Variants in SYNE1 observed in about 807,000 individuals in gnomAD.
The protein encoded by SYNE1 is spectrin repeat containing nuclear envelope protein 1.
Under a neutral mutation model 1,111.0 loss-of-function variants are expected in SYNE1, and 616 were observed. That is an observed-to-expected ratio of 0.55 (90% confidence interval 0.52 to 0.59). The LOEUF (loss-of-function observed/expected upper bound fraction) is 0.59. Among genes scored for constraint, SYNE1 ranks in the 20% least tolerant of loss-of-function variants. SYNE1 has a pLI of 0.00. For synonymous variants in SYNE1, 3,855 were observed against 3,825.8 expected, an observed-to-expected ratio of 1.01 and a Z score of -0.28; for missense variants, 10,006 against 10,417.0, an observed-to-expected ratio of 0.96 and a Z score of 1.72.
At chr6:152,200,643 G>T (rs1008971805) in intron 127 of SYNE1, among the ~76,000 whole-genome samples, 3 of 152,100 alleles carry the variant, frequency 2.0e-5, no homozygotes, top group East Asian at 1.9e-4. Flanking sequence ...TGATCTGTTT[G>T]CCTTGGCCTC....
In SYNE1 at chr6:152,294,121, C is replaced by A. The variant is rs749866224; in HGVS notation, c.17689G>T (p.Ala5897Ser). Residue 5897 changes from alanine to serine, a missense_variant, in exon 94 of 146, where the codon GCA becomes TCA. Physicochemically the swap from Ala to Ser is moderately conservative, Grantham distance 99 (BLOSUM62 1). Coordinates refer to ENST00000367255, the MANE Select transcript of SYNE1 (RefSeq NM_182961.4). Reference sequence around the variant, plus strand: ...TCAGCAGACAAGGCTTGGTAATATGCAATGTCCTGTGAGTGCAAAGCACAG... The same window carrying A: ...TCAGCAGACAAGGCTTGGTAATATGAAATGTCCTGTGAGTGCAAAGCACAG... ...NTDASVNQDIAYYQALSAERL... is the reference protein window; with the variant it reads ...NTDASVNQDISYYQALSAERL... The A allele has an allele frequency of 1.9e-6, 3 of 1,613,504 alleles. No individual in the cohort carries two copies. Among genetic ancestry groups the A allele is most frequent in the Non-Finnish European group, 2.5e-6 (3 of 1,179,988 alleles).
intron 92 of SYNE1, among the ~76,000 whole-genome samples, chr6:152,300,993 T>C (rs1230058761): frequency 6.6e-6 from 1 of 152,178 alleles, no homozygotes. Context: ...CAATCAGGGA[T>C]GGGGGTGCAT....
chr6:152,498,864 A>G, intron 10 of SYNE1, 72 bp from the exon 11 acceptor site: 1 of 901,852 alleles, frequency 1.1e-6, no homozygotes, highest in South Asian at 2.6e-5. Context: ...GAAAACAAGA[A>G]TAAAATCAAT....
chr6:152,500,581 C>T (rs886181137), intron 10 of SYNE1, among the ~76,000 whole-genome samples: 18 of 152,110 alleles, frequency 1.2e-4, no homozygotes, highest in African/African-American at 3.1e-4. Context: ...TAACTATTGG[C>T]GTGATGTCTA....
chr6:152,333,483 AT>A (rs1333270954), intron 77 of SYNE1, among the ~76,000 whole-genome samples: 1 of 152,142 alleles, frequency 6.6e-6, no homozygotes, highest in African/African-American at 2.4e-5. Flanking sequence ...AAATGGTACC[AT>A]TTTCAAACAT....
intron 105 of SYNE1, among the ~76,000 whole-genome samples, chr6:152,246,027 G>T (rs1415466337): frequency 6.6e-6 from 1 of 152,154 alleles, no homozygotes; most frequent in Non-Finnish European, 1.5e-5. Flanking sequence ...TGCAGTCAGG[G>T]CTCTAGTCTC....
At chr6:152,212,843 T>G (rs1001330662) in intron 123 of SYNE1, among the ~76,000 whole-genome samples, 3 of 152,196 alleles carry the variant, frequency 2.0e-5, no homozygotes, top group African/African-American at 4.8e-5. Context: ...GCAATCTCAT[T>G]GTAGTCTTTT....
At chr6:152,274,709 G>A (rs572039729) in intron 98 of SYNE1, among the ~76,000 whole-genome samples, 32 of 152,200 alleles carry the variant, frequency 2.1e-4, no homozygotes, top group African/African-American at 7.2e-4. Context: ...TGATTCTCCT[G>A]CCTCAGCCTC....
At chr6:152,152,372 A>G (rs2060586966) in intron 133 of SYNE1, among the ~76,000 whole-genome samples, 2 of 152,198 alleles carry the variant, frequency 1.3e-5, no homozygotes, top group African/African-American at 4.8e-5. Flanking sequence ...GGGAGTAGTA[A>G]TGAATAAACA....
At chr6:152,361,813 G>C (rs898686041) in intron 64 of SYNE1, among the ~76,000 whole-genome samples, 1 of 145,408 alleles carries the variant, frequency 6.9e-6, no homozygotes, top group South Asian at 2.1e-4. Context: ...GCATTATGAC[G>C]AATGCACAAA....
chr6:152,552,306 T>A (rs937144240), intron 3 of SYNE1, among the ~76,000 whole-genome samples: 1 of 152,172 alleles, frequency 6.6e-6, no homozygotes, highest in African/African-American at 2.4e-5. Flanking sequence ...TTAAGTAGGT[T>A]CAGGATTTTA....
At position 152,283,935 on chromosome 6, in the gene SYNE1, G is replaced by A. The variant is rs189082816; in HGVS notation, c.18207+43C>T. On this transcript the variant is annotated intron_variant, in intron 96 of 145. Transcript: ENST00000367255. ...CATACTTGGTAACACAACGTTAAAA[G>A]TTAACTCAGAAGTGAGGAGGCCACT... 87 of 1,495,148 alleles carry A rather than the reference G, an allele frequency of 5.8e-5. No homozygotes were observed. In the East Asian group the frequency reaches 1.1e-3, roughly 19 times the overall value. 92.6% of individuals were successfully genotyped at this position (1,495,148 alleles called of 1,614,324 possible).
intron 10 of SYNE1, among the ~76,000 whole-genome samples, chr6:152,500,615 C>T (rs986419808): frequency 3.3e-5 from 5 of 152,064 alleles, no homozygotes; most frequent in African/African-American, 9.7e-5. Flanking sequence ...GGTTATGCTC[C>T]TTAGCCTTTT....
Position 152,363,261 on chromosome 6 carries a change from A to G in SYNE1, c.10146-938T>C, listed in dbSNP as rs1454583964. Among the ~76,000 whole-genome samples, 533 of 145,470 alleles carry G rather than the reference A, an allele frequency of 3.7e-3. 1 individual carries two copies. The highest frequency in any genetic ancestry group is 5.4e-3 in the Non-Finnish European group (359 of 66,086). On this transcript the variant is annotated intron_variant, in intron 63 of 145. Coordinates refer to ENST00000367255, the MANE Select transcript of SYNE1 (RefSeq NM_182961.4). ...TGTAATCCCAGCACTTTGGGAGGCC[A>G]AGGCGGGTGGATCACGAGGTCAGGA... is the stretch of plus-strand genomic sequence containing the variant.
In SYNE1 at chr6:152,362,316, C is replaced by G. The variant is rs868782592; in HGVS notation, c.10153G>C (p.Glu3385Gln). The change falls in exon 64 of 146, where the codon GAA (glutamate) becomes CAA (glutamine). Residue 3385 changes from glutamate (E) to glutamine (Q), a missense_variant. Glu to Gln is a conservative substitution (Grantham distance 29). This residue lies in a region of SYNE1 where 4,955 missense variants were observed against 5,017.2 expected (regional missense o/e 0.99). Transcript: ENST00000367255. ...CTTGTCCACTTGGAGAGAGCTCCTT[C>G]GAGTTGGCTGAAAGGGATTTGAAAG... ...SAGIRCKSQLEGALSKWTSYQ... is the reference protein window; with the variant it reads ...SAGIRCKSQLQGALSKWTSYQ... 1 of 1,614,066 alleles carries G rather than the reference C, an allele frequency of 6.2e-7. No individual in the cohort carries two copies. The highest frequency in any genetic ancestry group is 1.3e-5 in the African/African-American group (1 of 74,922).
chr6:152,597,711 C>T (rs192611612), intron 3 of SYNE1, among the ~76,000 whole-genome samples: 1 of 152,064 alleles, frequency 6.6e-6, no homozygotes, highest in Non-Finnish European at 1.5e-5. Context: ...GTAATGAATT[C>T]TTTCTTTTGT....
At chr6:152,211,396 T>A (rs976223486) in intron 124 of SYNE1, 98 bp downstream of exon 124, 6 of 1,003,300 alleles carry the variant, frequency 6.0e-6, no homozygotes, top group Non-Finnish European at 7.8e-6. Flanking sequence ...TTCAATTGCC[T>A]CAGGAAGATT....
intron 3 of SYNE1, among the ~76,000 whole-genome samples, chr6:152,553,120 A>G (rs932381357): frequency 6.6e-6 from 1 of 152,190 alleles, no homozygotes; most frequent in African/African-American, 2.4e-5. Flanking sequence ...GTATGAGAAA[A>G]TATCCTCCAC....
intron 107 of SYNE1, 111 bp downstream of exon 107, chr6:152,242,129 G>T: frequency 9.1e-7 from 1 of 1,093,356 alleles, no homozygotes; most frequent in Non-Finnish European, 1.4e-6. Flanking sequence ...ACTTATACAA[G>T]TAAGAACTCA....
Sources: gnomAD v4.1 joint callset for allele counts (sites outside exome capture counted in the v4.1 genomes callset) on GRCh38, gnomAD v4.1.1 for gene constraint, gnomAD v4.1.1 regional missense constraint, MANE v1.5 for transcripts, NCBI Gene and HGNC (gene_info 2026-07-23, HGNC 2026-07-21) for gene names.